Variants in MINDY2 observed in about 807,000 individuals in gnomAD.
MINDY2 encodes MINDY lysine 48 deubiquitinase 2, also known as ubiquitin carboxyl-terminal hydrolase MINDY-2.
A neutral mutation model predicts 68.2 loss-of-function variants in MINDY2; 52 were observed. The ratio of observed to expected loss-of-function variants is 0.76; its 90% CI spans 0.61 to 0.96. MINDY2 has a LOEUF of 0.96. Ranked by LOEUF, MINDY2 falls within the 40% of genes least tolerant of loss-of-function variation. The probability of loss-of-function intolerance (pLI) is 0.00; values close to 1 mark genes in which losing one functional copy is unlikely to be tolerated. For missense variants in MINDY2, 881 were observed against 773.4 expected (o/e 1.14, Z -1.65); for synonymous variants, 372 against 303.0 (o/e 1.23, Z -2.36).
chr15:58,824,647 A>C (rs1392418208), intron 5 of MINDY2, among the ~76,000 whole-genome samples: 4 of 151,180 alleles, frequency 2.6e-5, no homozygotes, highest in African/African-American at 9.7e-5. Flanking sequence ...CTTTGCAGCA[A>C]TTAGCTTTTC....
At position 58,855,012 on chromosome 15, in the gene MINDY2, A is replaced by G. The variant is rs568639386; in HGVS notation, c.*402A>G. The G allele has an allele frequency of 1.3e-5, 2 of 154,112 alleles. No homozygotes were observed. The highest frequency in any genetic ancestry group is 6.4e-5 in the Admixed American group (1 of 15,564). 9.5% of individuals were successfully genotyped at this position (154,112 alleles called of 1,614,324 possible). A position where few individuals can be genotyped will look rare whatever the true frequency, so the allele number is the denominator to read the frequency against. On this transcript the variant is annotated 3_prime_UTR_variant, in exon 9 of 9. Transcript: ENST00000559228. Reference sequence around the variant, plus strand: ...TTCCTGAAATCTAAATATTAGCACAATAGTTTCTGAAATTTTACAATGTTA... The same window carrying G: ...TTCCTGAAATCTAAATATTAGCACAGTAGTTTCTGAAATTTTACAATGTTA...
chr15:58,785,860 G>C (rs1225547917), intron 1 of MINDY2, among the ~76,000 whole-genome samples: 1 of 151,974 alleles, frequency 6.6e-6, no homozygotes, highest in Admixed American at 6.6e-5. Context: ...TGTTTTTTTA[G>C]TAAAGTCCGT....
At chr15:58,829,680 G>A (rs1411058762) in intron 5 of MINDY2, among the ~76,000 whole-genome samples, 4 of 152,122 alleles carry the variant, frequency 2.6e-5, no homozygotes, top group South Asian at 4.1e-4. Context: ...TATTACAGAC[G>A]GCAGTGGTAC....
intron 6 of MINDY2, among the ~76,000 whole-genome samples, chr15:58,846,797 AAAG>A (rs1331380149): frequency 6.6e-6 from 1 of 152,188 alleles, no homozygotes; most frequent in Non-Finnish European, 1.5e-5. Flanking sequence ...TTGGTATACA[AAAG>A]AAGTACACTG....
In MINDY2 at chr15:58,806,406, G is replaced by C. The variant is rs916743545; in HGVS notation, c.964-3824G>C. Among the ~76,000 whole-genome samples, 6 of 138,954 alleles carry C rather than the reference G, an allele frequency of 4.3e-5. No homozygotes were observed. The South Asian group carries it at 1.4e-3, about 32-fold the overall frequency. The allele number at this position is 138,954 out of a possible 152,430, so 91.2% of individuals were successfully genotyped here. On this transcript the variant is annotated intron_variant, in intron 3 of 8. Coordinates refer to ENST00000559228, the MANE Select transcript of MINDY2 (RefSeq NM_001040450.3). ...AGGGTCTCACTCTGTCACTTTGTCT[G>C]GTTTGCCGTGGTGCTATCGTGGCTC...
At position 58,771,921 on chromosome 15, in the gene MINDY2, C is replaced by A. The variant is rs765107261; in HGVS notation, c.526C>A (p.Leu176Met). 229 of 1,555,788 alleles carry A rather than the reference C, an allele frequency of 1.5e-4. No individual in the cohort carries two copies. The highest frequency in any genetic ancestry group is 2.0e-4 in the Non-Finnish European group (225 of 1,152,882). The change falls in exon 1 of 9, where the codon CTG becomes ATG. Residue 176 changes from leucine (L) to methionine (M), a missense_variant. By Grantham distance (15) the Leu-to-Met change is conservative. Transcript: ENST00000559228. ...TGGGGAATCTCCGAGCCTGGACTCT[C>A]TGGAGTCGTTCTCTAACCTGCATTC... ...PPGESPSLDS[L>M]ESFSNLHSFP...
intron 6 of MINDY2, among the ~76,000 whole-genome samples, chr15:58,836,730 T>A (rs1426581356): frequency 2.0e-5 from 3 of 152,110 alleles, no homozygotes; most frequent in Non-Finnish European, 2.9e-5. Context: ...GCGATCCTCA[T>A]GGCTCAGCCT....
rs185367605 is a variant in MINDY2 at position 58,774,707 on chromosome 15, A to G, written c.840+2472A>G. 1.5e-3 allele frequency among the ~76,000 whole-genome samples: 223 copies of G among 152,278 alleles called. 4 individuals are homozygous for G. Among genetic ancestry groups the G allele is most frequent in the Non-Finnish European group, 4.3e-4 (29 of 68,024 alleles). ...AAGAGATAACCTGTGAACTAGATCC[A>G]AAGGATGAGTGAGAGAAGACCTTCT... On this transcript the variant is annotated intron_variant, in intron 1 of 8. Transcript: ENST00000559228.
chr15:58,854,088 C>G (rs138045792), intron 8 of MINDY2, among the ~76,000 whole-genome samples: 128 of 151,806 alleles, frequency 8.4e-4, no homozygotes, highest in African/African-American at 2.8e-3. Context: ...ACTAAAAATA[C>G]AAAAAGTTAG....
intron 6 of MINDY2, among the ~76,000 whole-genome samples, chr15:58,846,570 G>A (rs1167110295): frequency 7.1e-6 from 1 of 141,742 alleles, no homozygotes; most frequent in Admixed American, 7.3e-5. Flanking sequence ...TCCAGCCTGA[G>A]CCTGGATGAC....
At chr15:58,774,818 A>C (rs771123951) in intron 1 of MINDY2, among the ~76,000 whole-genome samples, 8 of 152,366 alleles carry the variant, frequency 5.3e-5, no homozygotes, top group Non-Finnish European at 8.8e-5. Context: ...TGAAGTGTGC[A>C]GCATAGGAGG....
chr15:58,808,295 G>A (rs1167421519), intron 3 of MINDY2, among the ~76,000 whole-genome samples: 6 of 152,088 alleles, frequency 3.9e-5, no homozygotes, highest in African/African-American at 9.7e-5. Flanking sequence ...AATGTATAAT[G>A]TCACGTATCT....
At chr15:58,790,371 A>G (rs577400793) in intron 2 of MINDY2, among the ~76,000 whole-genome samples, 1 of 152,278 alleles carries the variant, frequency 6.6e-6, no homozygotes, top group South Asian at 2.1e-4. Context: ...AATAGCCAAT[A>G]TGACTGTCAA....
At chr15:58,832,276 G>A (rs1339921679) in intron 6 of MINDY2, among the ~76,000 whole-genome samples, 1 of 150,584 alleles carries the variant, frequency 6.6e-6, no homozygotes, top group African/African-American at 2.5e-5. Flanking sequence ...GCCCAGGCTG[G>A]AGTGCAATGG....
chr15:58,788,018 TA>T (rs2140919416), intron 2 of MINDY2, 55 bp downstream of exon 2: 2 of 1,229,996 alleles, frequency 1.6e-6, no homozygotes, highest in South Asian at 2.9e-5. Flanking sequence ...TTTTCAAAGC[TA>T]GTTGATTACC....
rs2033075699 is a variant in MINDY2, at chr15:58,856,840, T to G, written c.*2230T>G. 6.6e-6 allele frequency: 1 copy of G among 152,252 alleles called. No individual in the cohort carries two copies. Among genetic ancestry groups the G allele is most frequent in the African/African-American group, 2.4e-5 (1 of 41,468 alleles). 9.4% of individuals were successfully genotyped at this position (152,252 alleles called of 1,614,324 possible). A position where few individuals can be genotyped will look rare whatever the true frequency, so the allele number is the denominator to read the frequency against. ...TAGTTGAGGCATATTTTTTCATAAT[T>G]ATATACTTATCTGTTTATTGCCCAT... On this transcript the variant is annotated 3_prime_UTR_variant, in exon 9 of 9. Coordinates refer to ENST00000559228, the MANE Select transcript of MINDY2 (RefSeq NM_001040450.3).
At chr15:58,813,674 G>A (rs954268207) in intron 4 of MINDY2, among the ~76,000 whole-genome samples, 1 of 151,960 alleles carries the variant, frequency 6.6e-6, no homozygotes, top group Non-Finnish European at 1.5e-5. Flanking sequence ...CTGGGCTCAA[G>A]TGATCCTCTT....
At position 58,861,754 on chromosome 15, in the gene MINDY2, T is replaced by C. The variant is rs2033223460; in HGVS notation, c.*7144T>C. The C allele has an allele frequency of 6.6e-6, 1 of 152,216 alleles. No individual in the cohort carries two copies. Among genetic ancestry groups the C allele is most frequent in the South Asian group, 2.1e-4 (1 of 4,828 alleles). The allele number at this position is 152,216 out of a possible 1,614,324, so 9.4% of individuals were successfully genotyped here. A position where few individuals can be genotyped will look rare whatever the true frequency, so the allele number is the denominator to read the frequency against. On this transcript the variant is annotated 3_prime_UTR_variant, in exon 9 of 9. Transcript: ENST00000559228. The stretch of plus-strand genomic sequence containing the variant: ...TCAACATTTACTTTCATGTTTGTTA[T>C]TGTACCACAAAGATAGTGTCATTGT...
In MINDY2 at chr15:58,831,037, G is replaced by GTATATATA. The variant is rs549317915; in HGVS notation, c.1226-736_1226-735insATATATAT. Among the ~76,000 whole-genome samples, 955 of 110,254 alleles carry GTATATATA rather than the reference G, an allele frequency of 8.7e-3. 16 individuals carry two copies. The highest frequency in any genetic ancestry group is 0.034 in the East Asian group (87 of 2,596). The allele number at this position is 110,254 out of a possible 152,430, so 72.3% of individuals were successfully genotyped here. ...CAGTTGTGTGTGTGTGTGTGTGTGT[G>GTATATATA]TGTGTATATATATATATATATATGT... On this transcript the variant is annotated intron_variant, in intron 5 of 8. Coordinates refer to ENST00000559228, the MANE Select transcript of MINDY2 (RefSeq NM_001040450.3).
Sources: gnomAD v4.1 joint callset for allele counts (sites outside exome capture counted in the v4.1 genomes callset) on GRCh38, gnomAD v4.1.1 for gene constraint, MANE v1.5 for transcripts, NCBI Gene and HGNC (gene_info 2026-07-23, HGNC 2026-07-21) for gene names.